Variants in CCL28 observed in about 807,000 individuals in gnomAD.
CCL28 encodes C-C motif chemokine ligand 28, also known as C-C motif chemokine 28.
A neutral mutation model predicts 7.1 loss-of-function variants in CCL28; 4 were observed. The ratio of observed to expected loss-of-function variants is 0.56; its 90% CI spans 0.28 to 1.29. CCL28 has a LOEUF of 1.29. Among genes scored for constraint, CCL28 ranks in the 50% most tolerant of loss-of-function variants. The pLI, the probability that CCL28 is intolerant of heterozygous loss-of-function variation, is 0.11. For missense variants in CCL28, 151 were observed against 163.4 expected (o/e 0.92, Z 0.41); for synonymous variants, 55 against 57.8 (o/e 0.95, Z 0.22).
intron 1 of CCL28, among the ~76,000 whole-genome samples, chr5:43,397,945 T>G (rs1176293656): frequency 6.6e-6 from 1 of 152,218 alleles, no homozygotes; most frequent in Non-Finnish European, 1.5e-5. Flanking sequence ...TTTATTAATA[T>G]TTTTCTACTA....
At chr5:43,387,815 G>A (rs572044507) in intron 2 of CCL28, among the ~76,000 whole-genome samples, 1 of 152,116 alleles carries the variant, frequency 6.6e-6, no homozygotes, top group Admixed American at 6.5e-5. Flanking sequence ...TTGTAGAGAT[G>A]GGGTCTCACC....
At position 43,406,335 on chromosome 5, in the gene CCL28, G is replaced by A. The variant is rs540472485; in HGVS notation, c.64+5918C>T. Reference sequence around the variant, plus strand: ...GGCTTCATCCCTGGGATGCAAGGCTGGTTCAACATACACAAATCAATAAAC... The same window carrying A: ...GGCTTCATCCCTGGGATGCAAGGCTAGTTCAACATACACAAATCAATAAAC... On this transcript the variant is annotated intron_variant, in intron 1 of 2. Transcript: ENST00000361115. Among the ~76,000 whole-genome samples the A allele has an allele frequency of 2.0e-3, 302 of 152,156 alleles. 1 individual carries two copies. The highest frequency in any genetic ancestry group is 6.8e-3 in the African/African-American group (281 of 41,498).
At chr5:43,390,486 C>T (rs1172713162) in intron 1 of CCL28, among the ~76,000 whole-genome samples, 1 of 152,218 alleles carries the variant, frequency 6.6e-6, no homozygotes, top group Non-Finnish European at 1.5e-5. Flanking sequence ...GCTCCCTTTG[C>T]TTTGGGAAGG....
chr5:43,357,819 C>T, the CCL28 span, among the ~76,000 whole-genome samples: 754 of 152,242 alleles, frequency 5.0e-3, 2 homozygotes, highest in Non-Finnish European at 8.7e-3. Context: ...AAGACAGGGG[C>T]ATGTTATTTT....
At chr5:43,374,592 C>T (rs916154982), downstream of CCL28, among the ~76,000 whole-genome samples, 3 of 152,006 alleles carry the variant, frequency 2.0e-5, no homozygotes, top group Non-Finnish European at 4.4e-5. Flanking sequence ...ACCAGCCTGA[C>T]CAACATGGTG....
the CCL28 span, among the ~76,000 whole-genome samples, chr5:43,371,605 A>G: frequency 1.3e-5 from 2 of 152,212 alleles, no homozygotes; most frequent in East Asian, 1.9e-4. Context: ...GAGCCATCTG[A>G]GAGGGGAATC....
At chr5:43,395,733 A>G (rs1456812433) in intron 1 of CCL28, among the ~76,000 whole-genome samples, 7 of 152,106 alleles carry the variant, frequency 4.6e-5, no homozygotes, top group African/African-American at 1.7e-4. Context: ...TTAAGAAAGC[A>G]AAGGAATAAA....
the CCL28 span, among the ~76,000 whole-genome samples, chr5:43,363,393 A>T: frequency 3.7e-4 from 57 of 152,268 alleles, no homozygotes; most frequent in African/African-American, 1.4e-3. Flanking sequence ...ACAGTTCAGT[A>T]GATGATGATA....
At chr5:43,392,082 G>A (rs991290833) in intron 1 of CCL28, among the ~76,000 whole-genome samples, 1 of 152,042 alleles carries the variant, frequency 6.6e-6, no homozygotes, top group Admixed American at 6.6e-5. Context: ...AATCTGAGGG[G>A]AGGCTTGAAC....
At chr5:43,402,715 T>C (rs1424583771) in intron 1 of CCL28, among the ~76,000 whole-genome samples, 2 of 152,214 alleles carry the variant, frequency 1.3e-5, no homozygotes, top group Non-Finnish European at 2.9e-5. Context: ...GGCAGGGCGT[T>C]GTCTCACCCA....
chr5:43,367,407 T>A, the CCL28 span, among the ~76,000 whole-genome samples: 1 of 151,842 alleles, frequency 6.6e-6, no homozygotes, highest in African/African-American at 2.4e-5. Context: ...GTGAAGACTG[T>A]GGGAAAAGCG....
At chr5:43,390,059 G>A (rs886765043) in intron 1 of CCL28, among the ~76,000 whole-genome samples, 4 of 152,150 alleles carry the variant, frequency 2.6e-5, no homozygotes, top group Admixed American at 1.3e-4. Flanking sequence ...ATATAGGAGA[G>A]ATTTTGGTGT....
In CCL28 at chr5:43,388,495, G is replaced by C. The variant is rs1437306046; in HGVS notation, c.65-19C>G. Reference sequence around the variant, plus strand: ...AGTATGGCTAAAAGAAGAAAAGAAAGAAAATGTTAAATTTTACGGTTTATA... The same window carrying C: ...AGTATGGCTAAAAGAAGAAAAGAAACAAAATGTTAAATTTTACGGTTTATA... On this transcript the variant is annotated intron_variant, in intron 1 of 2. Coordinates refer to ENST00000361115, the MANE Select transcript of CCL28 (RefSeq NM_148672.3). The C allele has an allele frequency of 6.2e-7, 1 of 1,611,426 alleles. No homozygotes were observed. The highest frequency in any genetic ancestry group is 1.1e-5 in the South Asian group (1 of 90,774).
chr5:43,405,763 T>G (rs1741249699), intron 1 of CCL28, among the ~76,000 whole-genome samples: 2 of 151,506 alleles, frequency 1.3e-5, no homozygotes, highest in Non-Finnish European at 2.9e-5. Context: ...GACTAATAAA[T>G]AAGAAAAGAG....
chr5:43,389,221 G>A (rs1385420441), intron 1 of CCL28, among the ~76,000 whole-genome samples: 4 of 152,144 alleles, frequency 2.6e-5, no homozygotes, highest in African/African-American at 9.7e-5. Flanking sequence ...TTAGATATTG[G>A]TGATCACACA....
At chr5:43,409,929 G>A (rs1741466411) in intron 1 of CCL28, among the ~76,000 whole-genome samples, 1 of 151,942 alleles carries the variant, frequency 6.6e-6, no homozygotes, top group Non-Finnish European at 1.5e-5. Flanking sequence ...CCCTACCTTT[G>A]GGCAGAATCC....
the CCL28 span, among the ~76,000 whole-genome samples, chr5:43,360,996 C>G: frequency 6.6e-6 from 1 of 152,112 alleles, no homozygotes; most frequent in Non-Finnish European, 1.5e-5. Flanking sequence ...CACCTCCTGA[C>G]AGGACCCAGT....
the CCL28 span, among the ~76,000 whole-genome samples, chr5:43,365,690 C>A: frequency 6.6e-6 from 1 of 152,152 alleles, no homozygotes; most frequent in Non-Finnish European, 1.5e-5. Context: ...ATTCCCTGAA[C>A]TTGAATGTTG....
Position 43,388,434 on chromosome 5 carries a change from TGTGA to T in CCL28, c.103_106del (p.Ser35IlefsTer11). ...TTCCAGGAGCCTTCTGGAAATATGA[TGTGA>T]AACCTCCGTGCAACAGCTGGAGGCA... On this transcript the variant is annotated frameshift_variant, in exon 2 of 3. Transcript: ENST00000361115. LOFTEE classifies it high-confidence loss of function. 1 of 1,614,018 alleles carries T rather than the reference TGTGA, an allele frequency of 6.2e-7. No individual in the cohort carries two copies. Among genetic ancestry groups the T allele is most frequent in the African/African-American group, 1.3e-5 (1 of 75,004 alleles).
Sources: allele counts gnomAD v4.1 joint callset (sites outside exome capture counted in the v4.1 genomes callset), GRCh38; gene constraint gnomAD v4.1.1; transcripts MANE v1.5; gene names NCBI Gene and HGNC (gene_info 2026-07-23, HGNC 2026-07-21).